Variants in SYT7 observed in about 807,000 individuals in gnomAD.
SYT7 encodes the protein synaptotagmin-7.
SYT7 carries 29 observed loss-of-function variants against 75.1 expected under a neutral mutation model. The ratio of observed to expected loss-of-function variants is 0.39; its 90% CI spans 0.29 to 0.53. The LOEUF (loss-of-function observed/expected upper bound fraction) is 0.53. Ranked by LOEUF, SYT7 falls within the 20% of genes least tolerant of loss-of-function variation. The pLI, the probability that SYT7 is intolerant of heterozygous loss-of-function variation, is 0.77. For missense variants in SYT7, 693 were observed against 953.2 expected, an observed-to-expected ratio of 0.73 and a Z score of 3.59; for synonymous variants, 376 against 401.7, an observed-to-expected ratio of 0.94 and a Z score of 0.76.
chr11:61,567,677 C>T (rs1393244041), intron 1 of SYT7, among the ~76,000 whole-genome samples: 1 of 152,382 alleles, frequency 6.6e-6, no homozygotes, highest in Non-Finnish European at 1.5e-5. Context: ...GCCCCATTCC[C>T]TCCCGGGGGC....
intron 1 of SYT7, among the ~76,000 whole-genome samples, chr11:61,578,627 C>T (rs1035519805): frequency 6.6e-6 from 1 of 152,106 alleles, no homozygotes; most frequent in African/African-American, 2.4e-5. Context: ...GGAAATCTGA[C>T]CTGGAACTAT....
At position 61,524,547 on chromosome 11, in the gene SYT7, G is replaced by A. The variant is rs2062451872; in HGVS notation, c.1472-15C>T. 1 of 1,561,618 alleles carries A rather than the reference G, an allele frequency of 6.4e-7. No individual in the cohort carries two copies. The highest frequency in any genetic ancestry group is 1.2e-5 in the South Asian group (1 of 81,638). The stretch of plus-strand genomic sequence containing the variant: ...ATAGGGAAAACCTGGGGGTATAGAT[G>A]AGTGTGAGTGAAGAGGGGGACAGAG... On this transcript the variant is annotated splice_polypyrimidine_tract_variant and intron_variant, in intron 9 of 12. Transcript: ENST00000539008. This position sits in a 1 kb window ranked among gnomAD's most constrained non-coding sequence, Gnocchi z 4.1.
intron 12 of SYT7, among the ~76,000 whole-genome samples, chr11:61,519,610 C>T (rs548118016): frequency 3.0e-4 from 46 of 152,194 alleles, no homozygotes; most frequent in South Asian, 1.5e-3. Flanking sequence ...AGGACATTAA[C>T]GGAAAGACTG....
chr11:61,547,491 C>T (rs375055220), intron 3 of SYT7, among the ~76,000 whole-genome samples, 183 bp from the exon 4 acceptor site: 3 of 152,080 alleles, frequency 2.0e-5, no homozygotes, highest in Non-Finnish European at 2.9e-5. Flanking sequence ...GCCTGGCACA[C>T]GCACGCATAC....
At chr11:61,534,445 G>GCACGCACA (rs34403808) in intron 7 of SYT7, among the ~76,000 whole-genome samples, 1 of 151,538 alleles carries the variant, frequency 6.6e-6, no homozygotes, top group Non-Finnish European at 1.5e-5. Flanking sequence ...GCACACGCAC[G>GCACGCACA]CACACACGCA....
intron 12 of SYT7, 146 bp from the exon 13 acceptor site, chr11:61,518,877 G>A: frequency 2.0e-6 from 1 of 499,584 alleles, no homozygotes; most frequent in South Asian, 4.1e-5. Flanking sequence ...ACCCCACAGA[G>A]GCGCTCTCCT....
intron 6 of SYT7, chr11:61,540,428 GA>G (rs1159283006): frequency 1.1e-5 from 9 of 840,924 alleles, no homozygotes; most frequent in Admixed American, 6.2e-5. Context: ...TTGTTTTAAA[GA>G]AAAAAAGAAT....
At chr11:61,561,265 A>C (rs1240602843) in intron 1 of SYT7, among the ~76,000 whole-genome samples, 1 of 152,190 alleles carries the variant, frequency 6.6e-6, no homozygotes, top group Non-Finnish European at 1.5e-5. Context: ...GCAGACAGGC[A>C]ACATCAGGAA....
At chr11:61,540,874 TG>T (rs1228523779) in intron 6 of SYT7, 1 of 985,402 alleles carries the variant, frequency 1.0e-6, no homozygotes, top group Non-Finnish European at 1.2e-6. Flanking sequence ...AACCGCCACC[TG>T]GAAGACCGGA....
At chr11:61,540,922 G>T (rs2063024281) in intron 6 of SYT7, 2 of 985,386 alleles carry the variant, frequency 2.0e-6, no homozygotes, top group Non-Finnish European at 2.4e-6. Context: ...CAGGCGTCCA[G>T]TTAGATTCCT....
chr11:61,546,125 C>G lies in SYT7; in HGVS notation c.478G>C (p.Ala160Pro). 1 of 1,530,034 alleles carries G rather than the reference C, an allele frequency of 6.5e-7. No homozygotes were observed. Among genetic ancestry groups the G allele is most frequent in the Non-Finnish European group, 8.7e-7 (1 of 1,144,318 alleles). The allele number at this position is 1,530,034 out of a possible 1,614,324, so 94.8% of individuals were successfully genotyped here. The change falls in exon 5 of 13, where the codon GCC becomes CCC. Residue 160 changes from alanine (A) to proline (P), a missense_variant. Physicochemically the swap from Ala to Pro is conservative, Grantham distance 27. Around this residue, in one of 2 missense-constraint regions of SYT7, gnomAD observed 487 missense variants for 593.2 expected, o/e 0.82. Coordinates refer to ENST00000539008, the MANE Select transcript of SYT7 (RefSeq NM_001365809.2). The surrounding 1 kb of genome is among the most constrained non-coding windows in gnomAD (Gnocchi z 7.6). ...GEDALRSGGA[A>P]PSEPGSGGKA... Reference sequence around the variant, plus strand: ...CCACCGCTGCCCGGCTCGCTGGGGGCAGCCCCGCCGCTTCTCAAGGCGTCC... The same window carrying G: ...CCACCGCTGCCCGGCTCGCTGGGGGGAGCCCCGCCGCTTCTCAAGGCGTCC...
rs199732590 is a variant in SYT7 at position 61,523,723 on chromosome 11, T to G, written c.1756+104A>C. On this transcript the variant is annotated intron_variant, in intron 11 of 12. Transcript: ENST00000539008. The surrounding 1 kb of genome is among the most constrained non-coding windows in gnomAD (Gnocchi z 5.0). ...GGACTGGAGGTCGGGGTGTGGCGGG[T>G]TGGGGTGAGGACCACTGCAGACCCT... is the stretch of plus-strand genomic sequence containing the variant. The G allele has an allele frequency of 1.2e-3, 1,474 of 1,180,756 alleles. No individual in the cohort carries two copies. Among genetic ancestry groups the G allele is most frequent in the Middle Eastern group, 9.2e-3 (33 of 3,594 alleles). 73.1% of individuals were successfully genotyped at this position (1,180,756 alleles called of 1,614,324 possible).
intron 1 of SYT7, among the ~76,000 whole-genome samples, chr11:61,573,727 G>C (rs1306805336): frequency 6.6e-6 from 1 of 152,170 alleles, no homozygotes; most frequent in African/African-American, 2.4e-5. Flanking sequence ...ACTCCCTGCT[G>C]CCTCAACCGG....
At position 61,580,528 on chromosome 11, in the gene SYT7, G is replaced by C. The variant is rs920723199; in HGVS notation, c.31+262C>G. Among the ~76,000 whole-genome samples the C allele has an allele frequency of 2.6e-5, 4 of 152,130 alleles. No individual in the cohort carries two copies. The highest frequency in any genetic ancestry group is 5.9e-5 in the Non-Finnish European group (4 of 67,994). On this transcript the variant is annotated intron_variant, in intron 1 of 12. Coordinates refer to ENST00000539008, the MANE Select transcript of SYT7 (RefSeq NM_001365809.2). This position sits in a 1 kb window ranked among gnomAD's most constrained non-coding sequence, Gnocchi z 6.1. Reference sequence around the variant, plus strand: ...CCACACACGTTGTCCTTGGGCTGTTGAGGGGTGGGGGAGAGGTCCTTGTGG... The same window carrying C: ...CCACACACGTTGTCCTTGGGCTGTTCAGGGGTGGGGGAGAGGTCCTTGTGG...
chr11:61,546,332 G>T lies in SYT7; in HGVS notation c.348-77C>A. 1.0e-6 allele frequency: 1 copy of T among 955,664 alleles called. No individual in the cohort carries two copies. The highest frequency in any genetic ancestry group is 1.8e-5 in the South Asian group (1 of 55,336). The allele number at this position is 955,664 out of a possible 1,614,324, so 59.2% of individuals were successfully genotyped here. A position where few individuals can be genotyped will look rare whatever the true frequency, so the allele number is the denominator to read the frequency against. Reference sequence around the variant, plus strand: ...GGGGGAGAGAGGGCAGGCCATACGTGGGGGTCGGGGGGTGGAAGAGGAAGA... The same window carrying T: ...GGGGGAGAGAGGGCAGGCCATACGTTGGGGTCGGGGGGTGGAAGAGGAAGA... On this transcript the variant is annotated intron_variant, in intron 4 of 12. Coordinates refer to ENST00000539008, the MANE Select transcript of SYT7 (RefSeq NM_001365809.2). This position sits in a 1 kb window ranked among gnomAD's most constrained non-coding sequence, Gnocchi z 7.6.
In SYT7 at chr11:61,523,771, C is replaced by T. The variant is rs527401150; in HGVS notation, c.1756+56G>A. ...CCTGCTCTCCACATCCGGTGTAAAC[C>T]TTGTGTCACCAGCACCTCCCCGGCC... On this transcript the variant is annotated intron_variant, in intron 11 of 12. Transcript: ENST00000539008. This position sits in a 1 kb window ranked among gnomAD's most constrained non-coding sequence, Gnocchi z 5.0. 7.7e-5 allele frequency: 119 copies of T among 1,547,100 alleles called. No individual in the cohort carries two copies. In the African/African-American group the frequency reaches 1.5e-3, roughly 19 times the overall value.
chr11:61,567,344 C>CG (rs371653715), intron 1 of SYT7, among the ~76,000 whole-genome samples: 2 of 114,080 alleles, frequency 1.8e-5, no homozygotes, highest in African/African-American at 1.7e-4. Context: ...GAGCGCCCCG[C>CG]CCCCCAGAGC....
At chr11:61,530,818 C>A (rs2062681846) in intron 8 of SYT7, 1 of 985,278 alleles carries the variant, frequency 1.0e-6, no homozygotes, top group South Asian at 4.7e-5. Flanking sequence ...TCTTAAGCCA[C>A]AACCCTGAGC....
chr11:61,583,592 C>T (rs2064326862), upstream of SYT7, among the ~76,000 whole-genome samples: 1 of 152,198 alleles, frequency 6.6e-6, no homozygotes. Context: ...TTGAGACTCC[C>T]AGCCCTTTGC....
Sources: allele counts gnomAD v4.1 joint callset (sites outside exome capture counted in the v4.1 genomes callset), GRCh38; gene constraint gnomAD v4.1.1; regional missense constraint gnomAD v4.1.1; non-coding constraint Gnocchi (gnomAD v3.1); transcripts MANE v1.5; gene names NCBI Gene and HGNC (gene_info 2026-07-23, HGNC 2026-07-21).